The following GTF2F2 variants were observed in gnomAD, a reference collection of about 807,000 sequenced individuals.
GTF2F2 encodes ATP-dependent helicase GTF2F2.
GTF2F2 carries 23 observed loss-of-function variants against 42.2 expected under a neutral mutation model. The observed-to-expected ratio is 0.55, with a 90% CI of 0.39 to 0.77. The LOEUF (loss-of-function observed/expected upper bound fraction) is 0.77, where lower values mean the gene tolerates loss of function less well. Ranked by LOEUF, GTF2F2 falls within the 30% of genes least tolerant of loss-of-function variation. The pLI, the probability that GTF2F2 is intolerant of heterozygous loss-of-function variation, is 0.00. For synonymous variants in GTF2F2, 105 were observed against 100.8 expected, an observed-to-expected ratio of 1.04 and a Z score of -0.25; for missense variants, 261 against 287.2, an observed-to-expected ratio of 0.91 and a Z score of 0.66.
chr13:45,233,875 C>T (rs986113763), intron 5 of GTF2F2, among the ~76,000 whole-genome samples: 2 of 151,824 alleles, frequency 1.3e-5, no homozygotes, highest in African/African-American at 2.4e-5. Flanking sequence ...ATCATGCCAC[C>T]GCACTCCAGC....
rs887307581 is a variant in GTF2F2, at chr13:45,210,335, T to C, written c.386+2830T>C. 2.0e-5 allele frequency among the ~76,000 whole-genome samples: 3 copies of C among 152,136 alleles called. No individual in the cohort carries two copies. In the South Asian group the frequency reaches 6.2e-4, roughly 32 times the overall value. ...GAGCCCTCCAGGCACACATCCACAC[T>C]GCAGCCTTTGCACAGACATTCTTTT... On this transcript the variant is annotated intron_variant, in intron 5 of 7. Coordinates refer to ENST00000340473, the MANE Select transcript of GTF2F2 (RefSeq NM_004128.3).
At chr13:45,222,594 C>T (rs537123069) in intron 5 of GTF2F2, among the ~76,000 whole-genome samples, 17 of 146,340 alleles carry the variant, frequency 1.2e-4, no homozygotes, top group Non-Finnish European at 2.3e-4. Context: ...ATAGGATGAG[C>T]ACATTTTTTT....
chr13:45,215,757 G>GAA (rs377138794), intron 5 of GTF2F2, among the ~76,000 whole-genome samples: 50 of 122,264 alleles, frequency 4.1e-4, no homozygotes, highest in Admixed American at 9.0e-4. Context: ...GACTCTGTCT[G>GAA]AAAAAAAAAA....
chr13:45,124,581 T>C (rs1353829354), intron 1 of GTF2F2, among the ~76,000 whole-genome samples: 1 of 152,006 alleles, frequency 6.6e-6, no homozygotes, highest in Non-Finnish European at 1.5e-5. Context: ...GTTTTTGTTT[T>C]TGAGATGGAG....
chr13:45,253,993 C>T (rs1170925643), intron 6 of GTF2F2, among the ~76,000 whole-genome samples: 6 of 149,274 alleles, frequency 4.0e-5, no homozygotes, highest in Admixed American at 1.3e-4. Context: ...GAATGGGAGG[C>T]GGAGCTTGCA....
Position 45,120,521 on chromosome 13 carries a change from G to A in GTF2F2, c.-135G>A. ...GTGTTCCTCTTTTCCTCGGTTCCCA[G>A]TGTTCTGGCAGGTAAGGAACGCCGG... On this transcript the variant is annotated 5_prime_UTR_variant, in exon 1 of 8. It adds an upstream start codon to the 5' untranslated region. Coordinates refer to ENST00000340473, the MANE Select transcript of GTF2F2 (RefSeq NM_004128.3). The A allele has an allele frequency of 1.5e-6, 1 of 647,172 alleles. No individual in the cohort carries two copies. 40.1% of individuals were successfully genotyped at this position (647,172 alleles called of 1,614,324 possible).
rs142644073 is a variant in GTF2F2, at chr13:45,130,568, A to G, written c.67-6165A>G. 4.6e-5 allele frequency among the ~76,000 whole-genome samples: 7 copies of G among 152,284 alleles called. No homozygotes were observed. The East Asian group carries it at 1.4e-3, about 29-fold the overall frequency. ...TCAAGAGATGATGGTGGCTTGGGCT[A>G]GGGTAGTAACTCGAGTTGGTGAGAA... On this transcript the variant is annotated intron_variant, in intron 1 of 7. Coordinates refer to ENST00000340473, the MANE Select transcript of GTF2F2 (RefSeq NM_004128.3).
chr13:45,177,361 C>T (rs907217780), intron 4 of GTF2F2, among the ~76,000 whole-genome samples: 4 of 152,066 alleles, frequency 2.6e-5, no homozygotes, highest in Admixed American at 2.0e-4. Context: ...TTCAGTTACC[C>T]GTGGTCCACT....
At chr13:45,199,748 T>C (rs1014989132) in intron 4 of GTF2F2, among the ~76,000 whole-genome samples, 3 of 152,162 alleles carry the variant, frequency 2.0e-5, no homozygotes, top group African/African-American at 7.2e-5. Flanking sequence ...GGGCATAACT[T>C]TGAAAACTCT....
At chr13:45,130,870 A>AG (rs1869306881) in intron 1 of GTF2F2, among the ~76,000 whole-genome samples, 1 of 152,214 alleles carries the variant, frequency 6.6e-6, no homozygotes, top group African/African-American at 2.4e-5. Flanking sequence ...TTGAGACTTC[A>AG]GGGGAGAACC....
rs1298060361 is a variant in GTF2F2, at chr13:45,120,638, T to C, written c.-18T>C. The C allele has an allele frequency of 7.1e-6, 11 of 1,551,642 alleles. No individual in the cohort carries two copies. In the East Asian group the frequency reaches 2.7e-4, roughly 38 times the overall value. ...GGGTCGCTGCTGCATCCCGCACGCC[T>C]CCACCGGCTGCAGACCCATGGCCGA... On this transcript the variant is annotated 5_prime_UTR_variant, in exon 1 of 8. Coordinates refer to ENST00000340473, the MANE Select transcript of GTF2F2 (RefSeq NM_004128.3).
chr13:45,229,389 C>G (rs531488919), intron 5 of GTF2F2, among the ~76,000 whole-genome samples: 1 of 152,224 alleles, frequency 6.6e-6, no homozygotes, highest in East Asian at 1.9e-4. Flanking sequence ...CTCCTCCAGG[C>G]AGCTGCCCCC....
chr13:45,219,308 C>A (rs978297787), intron 5 of GTF2F2: 1 of 152,144 alleles, frequency 6.6e-6, no homozygotes, highest in Non-Finnish European at 1.5e-5. Flanking sequence ...AATCAGCTGA[C>A]AAGCTACCTC....
chr13:45,247,826 T>G (rs1424999533), intron 5 of GTF2F2, among the ~76,000 whole-genome samples: 1 of 151,586 alleles, frequency 6.6e-6, no homozygotes, highest in Non-Finnish European at 1.5e-5. Context: ...AATTGCAGTT[T>G]TTGTTGTTGT....
intron 4 of GTF2F2, among the ~76,000 whole-genome samples, chr13:45,173,938 TGTC>T (rs1871733180): frequency 6.6e-6 from 1 of 152,158 alleles, no homozygotes; most frequent in East Asian, 1.9e-4. Flanking sequence ...TTTTTAAAAG[TGTC>T]GTATAACTGT....
chr13:45,232,687 T>G (rs761773934), intron 5 of GTF2F2, among the ~76,000 whole-genome samples: 1 of 152,156 alleles, frequency 6.6e-6, no homozygotes, highest in Non-Finnish European at 1.5e-5. Flanking sequence ...TTTCCAGTCT[T>G]TATTCTGTAA....
chr13:45,154,026 A>G (rs190873827), intron 4 of GTF2F2, among the ~76,000 whole-genome samples: 2 of 151,768 alleles, frequency 1.3e-5, no homozygotes, highest in African/African-American at 2.4e-5. Context: ...AGTTTCAACA[A>G]CTTTATTCCT....
At chr13:45,247,195 C>CA (rs1021761191) in intron 5 of GTF2F2, among the ~76,000 whole-genome samples, 1 of 151,614 alleles carries the variant, frequency 6.6e-6, no homozygotes, top group Non-Finnish European at 1.5e-5. Flanking sequence ...ACTAAAAATA[C>CA]AAAAAATAAA....
At chr13:45,279,557 C>A (rs749532744) in intron 7 of GTF2F2, among the ~76,000 whole-genome samples, 10 of 152,176 alleles carry the variant, frequency 6.6e-5, no homozygotes, top group Non-Finnish European at 1.0e-4. Context: ...CTTAAGCACG[C>A]CTTATTCACT....
Sources: allele counts gnomAD v4.1 joint callset (sites outside exome capture counted in the v4.1 genomes callset), GRCh38; gene constraint gnomAD v4.1.1; transcripts MANE v1.5; gene names NCBI Gene and HGNC (gene_info 2026-07-23, HGNC 2026-07-21).